Variants in COL4A5 observed in about 807,000 individuals in gnomAD.
COL4A5 encodes collagen type IV alpha 5 chain, also known as collagen alpha-5(IV) chain.
COL4A5 carries 26 observed loss-of-function variants against 130.2 expected under a neutral mutation model. The ratio of observed to expected loss-of-function variants is 0.20; its 90% confidence interval spans 0.15 to 0.28. COL4A5 has a LOEUF of 0.28. COL4A5 is among the 10% of genes least tolerant of loss of function. The pLI is 1.00. For synonymous variants in COL4A5, 496 were observed against 439.6 expected, an observed-to-expected ratio of 1.13 and a Z score of -1.60; for missense variants, 1,131 against 1,344.3, an observed-to-expected ratio of 0.84 and a Z score of 2.48.
chrX:108,480,409 G>A (rs983073801), intron 1 of COL4A5, among the ~76,000 whole-genome samples: 14 of 112,737 alleles, frequency 1.2e-4, no homozygotes, highest in African/African-American at 4.5e-4. Flanking sequence ...CAATGTGTTT[G>A]CTGTTTCTTG....
At chrX:108,475,923 T>C (rs2064828685) in intron 1 of COL4A5, among the ~76,000 whole-genome samples, 1 of 111,956 alleles carries the variant, frequency 8.9e-6, no homozygotes, top group Non-Finnish European at 1.9e-5. Flanking sequence ...AAACAGTATA[T>C]AGACATAAGG....
Position 108,581,801 on chromosome X carries a change from T to C in COL4A5, c.936+774T>C, listed in dbSNP as rs1030589767. The stretch of plus-strand genomic sequence containing the variant: ...GAAGGATATTTTGGTTATTTCTGTG[T>C]TTTGGCCATTATGAATAAAACTTTT... On this transcript the variant is annotated intron_variant, in intron 16 of 52. Transcript: ENST00000328300. Among the ~76,000 whole-genome samples, 8 of 110,915 alleles carry C rather than the reference T, an allele frequency of 7.2e-5. No individual in the cohort carries two copies. The Admixed American group carries it at 7.7e-4, about 11-fold the overall frequency.
chrX:108,571,768 T>C (rs1250501984), intron 7 of COL4A5, 43 bp from the exon 8 acceptor site: 4 of 1,014,495 alleles, frequency 3.9e-6, no homozygotes, highest in Non-Finnish European at 5.5e-6. Flanking sequence ...GGCGTGTTTC[T>C]CTCTCATACA....
intron 29 of COL4A5, among the ~76,000 whole-genome samples, chrX:108,613,869 A>G (rs1305668286): frequency 8.9e-6 from 1 of 111,891 alleles, no homozygotes; most frequent in Non-Finnish European, 1.9e-5. Context: ...ACTTTGAAAA[A>G]CAGTTTGACA....
chrX:108,540,734 C>T (rs147407960), intron 2 of COL4A5, among the ~76,000 whole-genome samples: 2,534 of 112,080 alleles, frequency 0.023, 29 homozygotes, highest in Non-Finnish European at 0.037. Flanking sequence ...GCCACCATGC[C>T]CAGCTGAATG....
intron 50 of COL4A5, chrX:108,694,123 A>G (rs1357324806): frequency 9.0e-6 from 1 of 110,748 alleles, no homozygotes; most frequent in Non-Finnish European, 1.9e-5. Context: ...GTCTAAATGT[A>G]TTAACTATTT....
intron 43 of COL4A5, 122 bp downstream of exon 43, chrX:108,674,875 G>T (rs771456424): frequency 2.0e-5 from 13 of 658,020 alleles, no homozygotes; most frequent in Non-Finnish European, 2.6e-5. Context: ...TTATCCTCAA[G>T]CTGGGGTTTT....
intron 1 of COL4A5, among the ~76,000 whole-genome samples, chrX:108,522,851 T>G (rs764437114): frequency 3.9e-5 from 4 of 103,007 alleles, no homozygotes; most frequent in Non-Finnish European, 7.8e-5. Context: ...TAAGAAGGCT[T>G]TGACTAAACA....
At position 108,624,397 on chromosome X, in the gene COL4A5, A is replaced by G. The variant is rs754483149; in HGVS notation, c.3016+63A>G. 5.3e-4 allele frequency: 450 copies of G among 847,674 alleles called. 1 individual carries two copies. The highest frequency in any genetic ancestry group is 2.8e-4 in the Middle Eastern group (1 of 3,632). 69.9% of individuals were successfully genotyped at this position (847,674 alleles called of 1,213,427 possible). On this transcript the variant is annotated intron_variant, in intron 34 of 52. Coordinates refer to ENST00000328300, the MANE Select transcript of COL4A5 (RefSeq NM_033380.3). Reference sequence around the variant, plus strand: ...GACACTGAATTCTGGATAAATAATTATGTGTTTGTCATGTTTGAAGATGCT... The same window carrying G: ...GACACTGAATTCTGGATAAATAATTGTGTGTTTGTCATGTTTGAAGATGCT...
chrX:108,553,155 T>C (rs2065777322), intron 2 of COL4A5, among the ~76,000 whole-genome samples: 2 of 111,227 alleles, frequency 1.8e-5, no homozygotes, highest in Admixed American at 1.9e-4. Flanking sequence ...AAGGGGAAAA[T>C]CCTTGTGACT....
chrX:108,617,001 T>A (rs1416390350), intron 30 of COL4A5, among the ~76,000 whole-genome samples: 1 of 111,000 alleles, frequency 9.0e-6, no homozygotes, highest in Non-Finnish European at 1.9e-5. Context: ...TTCAAGATAT[T>A]AATATGATTC....
chrX:108,628,740 G>C (rs897748611), intron 36 of COL4A5, among the ~76,000 whole-genome samples: 1 of 111,539 alleles, frequency 9.0e-6, no homozygotes, highest in South Asian at 3.7e-4. Context: ...TTATGTAGAT[G>C]TTTGAAATTT....
chrX:108,662,891 C>T (rs1159100128), intron 37 of COL4A5, among the ~76,000 whole-genome samples: 1 of 111,812 alleles, frequency 8.9e-6, no homozygotes, highest in Non-Finnish European at 1.9e-5. Flanking sequence ...ATAAAGAGCC[C>T]GCATTGCCAA....
At chrX:108,461,383 C>CA (rs2064649652) in intron 1 of COL4A5, among the ~76,000 whole-genome samples, 1 of 111,179 alleles carries the variant, frequency 9.0e-6, no homozygotes, top group African/African-American at 3.3e-5. Context: ...AAGGTAGGTT[C>CA]AAAATCAGAT....
intron 3 of COL4A5, among the ~76,000 whole-genome samples, chrX:108,563,306 T>C (rs1368812171): frequency 8.9e-6 from 1 of 111,742 alleles, no homozygotes; most frequent in Non-Finnish European, 1.9e-5. Flanking sequence ...TGGGTACATA[T>C]GTTAACATAC....
chrX:108,520,449 T>G (rs1385258630), intron 1 of COL4A5, among the ~76,000 whole-genome samples: 1 of 111,860 alleles, frequency 8.9e-6, no homozygotes, highest in Non-Finnish European at 1.9e-5. Flanking sequence ...ATTTTTACAG[T>G]TTATTTTCTT....
intron 1 of COL4A5, among the ~76,000 whole-genome samples, chrX:108,522,755 G>A (rs28766389): frequency 1.9e-5 from 2 of 107,547 alleles, no homozygotes; most frequent in African/African-American, 6.8e-5. Flanking sequence ...CACTTTCTTG[G>A]TAGTGTCCTT....
At chrX:108,670,670 A>G in intron 42 of COL4A5, 1 of 330,730 alleles carries the variant, frequency 3.0e-6, no homozygotes, top group South Asian at 2.6e-5. Flanking sequence ...AACTTGCCAT[A>G]TCTTTTGCAG....
rs2055159836 is a variant in COL4A5, at chrX:108,666,491, T to G, written c.3455-5T>G. 1 of 1,197,918 alleles carries G rather than the reference T, an allele frequency of 8.3e-7. No individual in the cohort carries two copies. Among genetic ancestry groups the G allele is most frequent in the Admixed American group, 2.2e-5 (1 of 45,076 alleles). ...GGGTGTAACCTGCTGTACTCAATTT[T>G]TTAGGTGGTGGAGGTCATCCTGGGC... On this transcript the variant is annotated splice_polypyrimidine_tract_variant and splice_region_variant and intron_variant, in intron 38 of 52. Transcript: ENST00000328300.
Sources: gnomAD v4.1 joint callset for allele counts (sites outside exome capture counted in the v4.1 genomes callset) on GRCh38, gnomAD v4.1.1 for gene constraint, MANE v1.5 for transcripts, NCBI Gene and HGNC (gene_info 2026-07-23, HGNC 2026-07-21) for gene names.